Variants in RASSF2 observed in about 807,000 individuals in gnomAD.
RASSF2 encodes the protein Ras association domain family member 2, also known as ras association domain-containing protein 2.
RASSF2 carries 34 observed loss-of-function variants against 46.3 expected under a neutral mutation model. The observed-to-expected ratio is 0.73, with a 90% CI of 0.56 to 0.98. The LOEUF is 0.98. RASSF2 is among the 50% of genes least tolerant of loss of function. RASSF2 has a pLI of 0.00. For synonymous variants in RASSF2, 158 were observed against 162.5 expected, an observed-to-expected ratio of 0.97 and a Z score of 0.21; for missense variants, 364 against 431.2, an observed-to-expected ratio of 0.84 and a Z score of 1.38.
Position 4,781,413 on chromosome 20 carries a change from G to T in RASSF2, c.*2860C>A, listed in dbSNP as rs551041242. ...GGCCTCAGCATTTTTCTTGCAGATGGGTGACTAATATCCAGAAATCCTCTT... is the reference window on the plus strand; with the variant it reads ...GGCCTCAGCATTTTTCTTGCAGATGTGTGACTAATATCCAGAAATCCTCTT... On this transcript the variant is annotated 3_prime_UTR_variant, in exon 12 of 12. Transcript: ENST00000379400. The T allele has an allele frequency of 9.2e-5, 14 of 152,218 alleles. No homozygotes were observed. The highest frequency in any genetic ancestry group is 2.1e-4 in the South Asian group (1 of 4,818). The allele number at this position is 152,218 out of a possible 1,614,324, so 9.4% of individuals were successfully genotyped here.
At chr20:4,808,241 C>T (rs941716160) in intron 2 of RASSF2, among the ~76,000 whole-genome samples, 1 of 152,138 alleles carries the variant, frequency 6.6e-6, no homozygotes, top group South Asian at 2.1e-4. Context: ...ATTTATGGTG[C>T]TCTCCTGGGC....
chr20:4,811,918 C>T (rs184408977), intron 2 of RASSF2, among the ~76,000 whole-genome samples: 1 of 152,302 alleles, frequency 6.6e-6, no homozygotes, highest in Non-Finnish European at 1.5e-5. Context: ...ACAGTGCTTT[C>T]CACTACAGTG....
intron 2 of RASSF2, among the ~76,000 whole-genome samples, chr20:4,806,801 CG>C (rs910765594): frequency 2.8e-4 from 43 of 152,276 alleles, no homozygotes; most frequent in African/African-American, 1.0e-3. Context: ...CCATCCACCC[CG>C]GCAGCTACCC....
At chr20:4,822,868 G>C (rs969301609) in intron 1 of RASSF2, among the ~76,000 whole-genome samples, 9 of 152,144 alleles carry the variant, frequency 5.9e-5, no homozygotes, top group African/African-American at 2.2e-4. Flanking sequence ...GCACTCTCCA[G>C]GGCTGTCAGG....
chr20:4,793,473 A>G lies in RASSF2; in HGVS notation c.288-846T>C, dbSNP rs374826588. 2.6e-5 allele frequency among the ~76,000 whole-genome samples: 4 copies of G among 152,274 alleles called. No individual in the cohort carries two copies. In the South Asian group the frequency reaches 8.3e-4, roughly 32 times the overall value. Reference sequence around the variant, plus strand: ...GGACAATTAAAATGGAAAATCTGAAAGAACTTCCTATTGTAATTTAACTCA... The same window carrying G: ...GGACAATTAAAATGGAAAATCTGAAGGAACTTCCTATTGTAATTTAACTCA... On this transcript the variant is annotated intron_variant, in intron 5 of 11. Transcript: ENST00000379400.
intron 2 of RASSF2, among the ~76,000 whole-genome samples, chr20:4,806,394 C>G (rs753565016): frequency 6.6e-6 from 1 of 152,190 alleles, no homozygotes; most frequent in Non-Finnish European, 1.5e-5. Flanking sequence ...CTTTCCTCAG[C>G]CAGGGAAATG....
chr20:4,799,597 T>C (rs1926692807), intron 3 of RASSF2, among the ~76,000 whole-genome samples: 1 of 152,174 alleles, frequency 6.6e-6, no homozygotes, highest in African/African-American at 2.4e-5. Flanking sequence ...TGAAATAAAT[T>C]TGTGGAAAAT....
chr20:4,790,705 C>T lies in RASSF2; in HGVS notation c.377-94G>A. 2 of 888,668 alleles carry T rather than the reference C, an allele frequency of 2.3e-6. No individual in the cohort carries two copies. Among genetic ancestry groups the T allele is most frequent in the Non-Finnish European group, 3.2e-6 (2 of 617,476 alleles). 55.0% of individuals were successfully genotyped at this position (888,668 alleles called of 1,614,324 possible). A position where few individuals can be genotyped will look rare whatever the true frequency, so the allele number is the denominator to read the frequency against. ...TGGCCAGTGCGACAGCACCCACTGTCTCCACAAATATATATTTTATACAAA... is the reference window on the plus strand; with the variant it reads ...TGGCCAGTGCGACAGCACCCACTGTTTCCACAAATATATATTTTATACAAA... On this transcript the variant is annotated intron_variant, in intron 6 of 11. Coordinates refer to ENST00000379400, the MANE Select transcript of RASSF2 (RefSeq NM_014737.3). The surrounding 1 kb of genome is among the most constrained non-coding windows in gnomAD (Gnocchi z 4.3).
chr20:4,800,883 G>A, intron 3 of RASSF2, 89 bp downstream of exon 3: 4 of 1,090,202 alleles, frequency 3.7e-6, no homozygotes, highest in South Asian at 1.3e-5. Flanking sequence ...ATACAGTGGG[G>A]GGCCCTCTGC....
At chr20:4,789,383 G>A (rs1925660522) in intron 8 of RASSF2, among the ~76,000 whole-genome samples, 1 of 152,156 alleles carries the variant, frequency 6.6e-6, no homozygotes. Context: ...GTCTGGGGTG[G>A]GGCCTGAGAA....
intron 2 of RASSF2, among the ~76,000 whole-genome samples, chr20:4,802,880 G>GTA (rs1310903375): frequency 4.7e-5 from 5 of 106,456 alleles, no homozygotes; most frequent in African/African-American, 1.9e-4. Flanking sequence ...GTATGTGTGT[G>GTA]TGTATATATA....
chr20:4,799,840 G>C (rs1275556080), intron 3 of RASSF2, among the ~76,000 whole-genome samples: 1 of 152,250 alleles, frequency 6.6e-6, no homozygotes, highest in Non-Finnish European at 1.5e-5. Context: ...AGCTGGGTGT[G>C]GTGGCTCACG....
chr20:4,821,721 A>G (rs1308929521), intron 2 of RASSF2, among the ~76,000 whole-genome samples: 1 of 152,152 alleles, frequency 6.6e-6, no homozygotes, highest in South Asian at 2.1e-4. Flanking sequence ...GCTGCACGCT[A>G]TGCCTCCATC....
In RASSF2 at chr20:4,795,806, C is replaced by T; in HGVS notation, c.287+9G>A. On this transcript the variant is annotated intron_variant, in intron 5 of 11. Transcript: ENST00000379400. The surrounding 1 kb of genome is among the most constrained non-coding windows in gnomAD (Gnocchi z 4.0). ...CAGTCATCTCCCTGCCCCGTCTCTC[C>T]TCACTCACCCCTGAGCCCCCAGGTT... is the stretch of plus-strand genomic sequence containing the variant. 1.2e-6 allele frequency: 2 copies of T among 1,607,614 alleles called. No individual in the cohort carries two copies. Among genetic ancestry groups the T allele is most frequent in the Non-Finnish European group, 1.7e-6 (2 of 1,176,350 alleles).
rs919661504 is a variant in RASSF2, at chr20:4,780,181, C to G, written c.*4092G>C. ...GTAAGTTCAGAACCAAACGTTGAAT[C>G]AAGTCATGTACCATCGCTGAAAGGC... On this transcript the variant is annotated 3_prime_UTR_variant, in exon 12 of 12. Transcript: ENST00000379400. 1 of 152,220 alleles carries G rather than the reference C, an allele frequency of 6.6e-6. No individual in the cohort carries two copies. Among genetic ancestry groups the G allele is most frequent in the Non-Finnish European group, 1.5e-5 (1 of 68,044 alleles). 9.4% of individuals were successfully genotyped at this position (152,220 alleles called of 1,614,324 possible).
At chr20:4,788,114 T>G in intron 9 of RASSF2, 103 bp downstream of exon 9, 1 of 1,178,008 alleles carries the variant, frequency 8.5e-7, no homozygotes, top group Admixed American at 1.8e-5. Context: ...ATTTGGAAGT[T>G]TCCAAAACTC....
chr20:4,782,793 G>A lies in RASSF2; in HGVS notation c.*1480C>T, dbSNP rs1924958155. On this transcript the variant is annotated 3_prime_UTR_variant, in exon 12 of 12. Coordinates refer to ENST00000379400, the MANE Select transcript of RASSF2 (RefSeq NM_014737.3). ...GTGGAGAGAAGGTGGAGAAGAGATG[G>A]GCAGTGCCTCTACCCCAGCTAGGCT... is the stretch of plus-strand genomic sequence containing the variant. The A allele has an allele frequency of 6.6e-6, 1 of 152,206 alleles. No individual in the cohort carries two copies. 9.4% of individuals were successfully genotyped at this position (152,206 alleles called of 1,614,324 possible). A position where few individuals can be genotyped will look rare whatever the true frequency, so the allele number is the denominator to read the frequency against.
At chr20:4,800,643 C>T (rs58390649) in intron 3 of RASSF2, among the ~76,000 whole-genome samples, 1,663 of 152,290 alleles carry the variant, frequency 0.011, 84 homozygotes, top group East Asian at 0.098. Context: ...GAGACACAAA[C>T]ATTCAGAAGA....
chr20:4,786,869 A>AG (rs1369572222), intron 10 of RASSF2, among the ~76,000 whole-genome samples: 1 of 152,044 alleles, frequency 6.6e-6, no homozygotes, highest in African/African-American at 2.4e-5. Context: ...GGATCACTTG[A>AG]GGTCAAGAGT....
Sources: allele counts gnomAD v4.1 joint callset (sites outside exome capture counted in the v4.1 genomes callset), GRCh38; gene constraint gnomAD v4.1.1; non-coding constraint Gnocchi (gnomAD v3.1); transcripts MANE v1.5; gene names NCBI Gene and HGNC (gene_info 2026-07-23, HGNC 2026-07-21).